Variants in ADAMTS2 observed in about 807,000 individuals in gnomAD.
The protein encoded by ADAMTS2 is ADAM metallopeptidase with thrombospondin type 1 motif 2.
A neutral mutation model predicts 123.0 loss-of-function variants in ADAMTS2; 50 were observed. That is an observed-to-expected ratio of 0.41 (90% CI 0.32 to 0.51). The LOEUF (loss-of-function observed/expected upper bound fraction) is 0.51, where lower values mean the gene tolerates loss of function less well. Ranked by LOEUF, ADAMTS2 falls within the 20% of genes least tolerant of loss-of-function variation. The pLI, the probability that ADAMTS2 is intolerant of heterozygous loss-of-function variation, is 0.35. For synonymous variants in ADAMTS2, 678 were observed against 695.4 expected (o/e 0.98, Z 0.39); for missense variants, 1,494 against 1,705.2 (o/e 0.88, Z 2.18).
In ADAMTS2 at chr5:179,296,723, A is replaced by T. The variant is rs533495029; in HGVS notation, c.535-23659T>A. 1.5e-3 allele frequency among the ~76,000 whole-genome samples: 222 copies of T among 152,136 alleles called. 1 individual carries two copies. The highest frequency in any genetic ancestry group is 3.4e-3 in the Middle Eastern group (1 of 294). ...AGGCTGCTGCGTGCTGTGGGTCAGG[A>T]GGGTGGTGCCTGGGAAGACCAGCTG... On this transcript the variant is annotated intron_variant, in intron 2 of 21. Coordinates refer to ENST00000251582, the MANE Select transcript of ADAMTS2 (RefSeq NM_014244.5).
intron 3 of ADAMTS2, among the ~76,000 whole-genome samples, chr5:179,208,256 C>T (rs1581191126): frequency 6.8e-6 from 1 of 147,352 alleles, no homozygotes; most frequent in South Asian, 2.2e-4. Context: ...GCTGTTATGA[C>T]TGGGGAAACC....
chr5:179,290,788 C>T (rs1756162547), intron 2 of ADAMTS2, among the ~76,000 whole-genome samples: 1 of 152,214 alleles, frequency 6.6e-6, no homozygotes, highest in African/African-American at 2.4e-5. Context: ...GTCCAGGGAG[C>T]AGGTCCTGTA....
rs373467029 is a variant in ADAMTS2, at chr5:179,280,496, T to C, written c.535-7432A>G. On this transcript the variant is annotated intron_variant, in intron 2 of 21. Coordinates refer to ENST00000251582, the MANE Select transcript of ADAMTS2 (RefSeq NM_014244.5). ...ACCCCAAAAAGAAACCCCGCACACGTTGGCAGGTACCGATCATCCTTCTAA... is the reference window on the plus strand; with the variant it reads ...ACCCCAAAAAGAAACCCCGCACACGCTGGCAGGTACCGATCATCCTTCTAA... Among the ~76,000 whole-genome samples, 8 of 152,304 alleles carry C rather than the reference T, an allele frequency of 5.3e-5. No individual in the cohort carries two copies. In the East Asian group the frequency reaches 1.5e-3, roughly 29 times the overall value.
At chr5:179,174,076 A>T (rs1332898641) in intron 5 of ADAMTS2, among the ~76,000 whole-genome samples, 1 of 151,982 alleles carries the variant, frequency 6.6e-6, no homozygotes, top group Non-Finnish European at 1.5e-5. Flanking sequence ...ATATTGCTAC[A>T]TTTCCTTAGA....
Position 179,115,619 on chromosome 5 carries a change from G to A in ADAMTS2, c.3179-1295C>T, listed in dbSNP as rs1188583909. Among the ~76,000 whole-genome samples the A allele has an allele frequency of 6.6e-6, 1 of 151,834 alleles. No homozygotes were observed. Among genetic ancestry groups the A allele is most frequent in the Non-Finnish European group, 1.5e-5 (1 of 68,010 alleles). ...GGAAGGAAGGAGGGAGAGGGTGAAAGGAAGGAGGAACTGAAGGAAGGAAAG... is the reference window on the plus strand; with the variant it reads ...GGAAGGAAGGAGGGAGAGGGTGAAAAGAAGGAGGAACTGAAGGAAGGAAAG... On this transcript the variant is annotated intron_variant, in intron 21 of 21. Transcript: ENST00000251582. This position sits in a 1 kb window ranked among gnomAD's most constrained non-coding sequence, Gnocchi z 4.4.
In ADAMTS2 at chr5:179,263,639, C is replaced by T. The variant is rs909522201; in HGVS notation, c.688+9272G>A. On this transcript the variant is annotated intron_variant, in intron 3 of 21. Coordinates refer to ENST00000251582, the MANE Select transcript of ADAMTS2 (RefSeq NM_014244.5). ...TGCTCGTGGCGCAGCCCACACCTCA[C>T]GGCAAGCCCCAGCCAAAGGGACCAA... Among the ~76,000 whole-genome samples the T allele has an allele frequency of 6.6e-5, 10 of 152,358 alleles. No individual in the cohort carries two copies. In the East Asian group the frequency reaches 7.7e-4, roughly 12 times the overall value.
At chr5:179,279,582 C>T (rs751020948) in intron 2 of ADAMTS2, among the ~76,000 whole-genome samples, 3 of 152,254 alleles carry the variant, frequency 2.0e-5, no homozygotes, top group Non-Finnish European at 2.9e-5. Context: ...GGCGCCTCCT[C>T]TCAGAGCCTG....
Position 179,285,058 on chromosome 5 carries a change from T to C in ADAMTS2, c.535-11994A>G, listed in dbSNP as rs6888613. ...CTGATGTGAGGGCTAAGCGAGATACTGCGTCTCTAGCACTGGGCACAGCAC... is the reference window on the plus strand; with the variant it reads ...CTGATGTGAGGGCTAAGCGAGATACCGCGTCTCTAGCACTGGGCACAGCAC... On this transcript the variant is annotated intron_variant, in intron 2 of 21. Coordinates refer to ENST00000251582, the MANE Select transcript of ADAMTS2 (RefSeq NM_014244.5). This position sits in a 1 kb window ranked among gnomAD's most constrained non-coding sequence, Gnocchi z 4.9. Among the ~76,000 whole-genome samples the C allele has an allele frequency of 0.4, 60,058 of 152,018 alleles. 12,155 individuals are homozygous for C. Among genetic ancestry groups the C allele is most frequent in the Middle Eastern group, 0.45 (133 of 294 alleles).
intron 4 of ADAMTS2, among the ~76,000 whole-genome samples, chr5:179,199,250 G>T (rs186460369): frequency 6.6e-6 from 1 of 152,284 alleles, no homozygotes; most frequent in African/African-American, 2.4e-5. Flanking sequence ...AGGCTCCTGG[G>T]GCAATGCAGC....
At chr5:179,333,599 T>G (rs1350027141) in intron 2 of ADAMTS2, among the ~76,000 whole-genome samples, 1 of 145,534 alleles carries the variant, frequency 6.9e-6, no homozygotes. Flanking sequence ...TTTTTCTGTT[T>G]TTTTTTTTTT....
chr5:179,323,038 C>T (rs527510138), intron 2 of ADAMTS2, among the ~76,000 whole-genome samples: 1 of 152,348 alleles, frequency 6.6e-6, no homozygotes, highest in East Asian at 1.9e-4. Flanking sequence ...ACTGAGGCCA[C>T]TCCAGAGCCA....
Position 179,343,966 on chromosome 5 carries a change from T to C in ADAMTS2, c.335A>G (p.Asn112Ser), listed in dbSNP as rs763432883. The C allele has an allele frequency of 1.1e-5, 18 of 1,612,522 alleles. No homozygotes were observed. The highest frequency in any genetic ancestry group is 1.4e-5 in the Non-Finnish European group (16 of 1,179,816). Residue 112 changes from asparagine (N) to serine (S), a missense_variant, in exon 2 of 22, where the codon AAT becomes AGT. By Grantham distance (46) the Asn-to-Ser change is conservative. Coordinates refer to ENST00000251582, the MANE Select transcript of ADAMTS2 (RefSeq NM_014244.5). ...EEEPGSHLFYNVTVFGRDLHL... is the reference protein window; with the variant it reads ...EEEPGSHLFYSVTVFGRDLHL... ...CAGGTCTCGGCCAAAGACCGTGACA[T>C]TGTAGAAGAGGTGACTGCCAGGCTC...
chr5:179,209,853 T>C (rs77403272), intron 3 of ADAMTS2, among the ~76,000 whole-genome samples: 106 of 152,312 alleles, frequency 7.0e-4, no homozygotes, highest in Non-Finnish European at 1.4e-3. Flanking sequence ...ACCTTCAGAA[T>C]CACCTTGGGA....
chr5:179,168,588 C>T lies in ADAMTS2; in HGVS notation c.976-9709G>A, dbSNP rs78022844. Among the ~76,000 whole-genome samples, 1,419 of 152,324 alleles carry T rather than the reference C, an allele frequency of 9.3e-3. 9 individuals are homozygous for T. The highest frequency in any genetic ancestry group is 0.075 in the Middle Eastern group (22 of 294). The stretch of plus-strand genomic sequence containing the variant: ...CTCTACAAACAGTCACTTGCACGAA[C>T]GCCTTTATGATTGTCGTCATTCCTG... On this transcript the variant is annotated intron_variant, in intron 5 of 21. Coordinates refer to ENST00000251582, the MANE Select transcript of ADAMTS2 (RefSeq NM_014244.5).
At position 179,154,161 on chromosome 5, in the gene ADAMTS2, G is replaced by A. The variant is rs370919224; in HGVS notation, c.1270C>T (p.Arg424Cys). The change falls in exon 8 of 22, where the codon CGC (arginine) becomes TGC (cysteine). Residue 424 changes from arginine (R) to cysteine (C), a missense_variant. Around this residue, in one of 6 missense-constraint regions of ADAMTS2, gnomAD observed 953 missense variants for 1,124.7 expected, o/e 0.85. Transcript: ENST00000251582. ...CCCAGCCGCACCTCGTCGCCACAGC[G>A]GTTGCCCTGCCCGTCGTGCTCCATG... ...LGMEHDGQGN[R>C]CGDEVRLGSI... The A allele has an allele frequency of 5.1e-6, 8 of 1,570,964 alleles. No homozygotes were observed. The highest frequency in any genetic ancestry group is 2.7e-5 in the African/African-American group (2 of 74,394).
At chr5:179,205,490 G>A (rs1003191507) in intron 4 of ADAMTS2, among the ~76,000 whole-genome samples, 13 of 152,218 alleles carry the variant, frequency 8.5e-5, no homozygotes, top group Admixed American at 5.9e-4. Context: ...CGGGAGCAGC[G>A]TTCCCAACGA....
At chr5:179,236,683 C>T (rs769930246) in intron 3 of ADAMTS2, among the ~76,000 whole-genome samples, 2 of 152,080 alleles carry the variant, frequency 1.3e-5, no homozygotes, top group Non-Finnish European at 2.9e-5. Context: ...CCCAGCTACT[C>T]GGGAGGCTGA....
rs768389920 is a variant in ADAMTS2, at chr5:179,139,930, T to A, written c.1735A>T (p.Thr579Ser). 2 of 1,612,578 alleles carry A rather than the reference T, an allele frequency of 1.2e-6. No individual in the cohort carries two copies. Among genetic ancestry groups the A allele is most frequent in the Non-Finnish European group, 1.7e-6 (2 of 1,179,978 alleles). ...TGGCGGGTCCTGAACTTCACGCCCG[T>A]GCCACAGGTACGTGAGCAGGAGCCA... ...PFGSCSRTCG[T>S]GVKFRTRQCD... The change falls in exon 11 of 22, where the codon ACG becomes TCG. Residue 579 changes from threonine (T) to serine (S), a missense_variant. Around this residue, in one of 6 missense-constraint regions of ADAMTS2, gnomAD observed 953 missense variants for 1,124.7 expected, o/e 0.85. Coordinates refer to ENST00000251582, the MANE Select transcript of ADAMTS2 (RefSeq NM_014244.5).
chr5:179,164,020 C>T (rs1227048969), intron 5 of ADAMTS2, among the ~76,000 whole-genome samples: 1 of 152,070 alleles, frequency 6.6e-6, no homozygotes, highest in Non-Finnish European at 1.5e-5. Context: ...GTGCTAGACC[C>T]TGGGAGCCTG....
Sources: allele counts gnomAD v4.1 joint callset (sites outside exome capture counted in the v4.1 genomes callset), GRCh38; gene constraint gnomAD v4.1.1; regional missense constraint gnomAD v4.1.1; non-coding constraint Gnocchi (gnomAD v3.1); transcripts MANE v1.5; gene names NCBI Gene and HGNC (gene_info 2026-07-23, HGNC 2026-07-21).